Variants in ZNF805 observed in about 807,000 individuals in gnomAD.
ZNF805 encodes zinc finger protein 805.
ZNF805 carries 7 observed loss-of-function variants against 13.6 expected under a neutral mutation model. That is an observed-to-expected ratio of 0.51 (90% CI 0.29 to 0.97). ZNF805 has a LOEUF of 0.97. Among genes scored for constraint, ZNF805 ranks in the 50% least tolerant of loss-of-function variants. ZNF805 has a pLI of 0.08. For missense variants in ZNF805, 604 were observed against 771.0 expected (o/e 0.78, Z 2.57); for synonymous variants, 293 against 279.8 (o/e 1.05, Z -0.47).
intron 2 of ZNF805, among the ~76,000 whole-genome samples, chr19:57,246,595 G>T (rs2087620054): frequency 6.6e-6 from 1 of 151,998 alleles, no homozygotes; most frequent in African/African-American, 2.4e-5. Context: ...GGCCAACATG[G>T]TGAAACCCCG....
At chr19:57,245,056 T>C (rs1020438441) in intron 2 of ZNF805, among the ~76,000 whole-genome samples, 4 of 152,174 alleles carry the variant, frequency 2.6e-5, no homozygotes, top group African/African-American at 9.7e-5. Flanking sequence ...GGATGTTCAC[T>C]AAGAAGGGTT....
Position 57,261,273 on chromosome 19 carries a change from GC to G in ZNF805, c.*6571del, listed in dbSNP as rs2087722125. On this transcript the variant is annotated 3_prime_UTR_variant, in exon 4 of 4. Coordinates refer to ENST00000414468, the MANE Select transcript of ZNF805 (RefSeq NM_001023563.4). Reference sequence around the variant, plus strand: ...GACTCACTCTTTAATGCCTGCATAAGCTATTGTGACTGTAGAAAAGACGGAG... The same window carrying G: ...GACTCACTCTTTAATGCCTGCATAAGTATTGTGACTGTAGAAAAGACGGAG... 6.0e-6 allele frequency: 1 copy of G among 167,046 alleles called. No individual in the cohort carries two copies. Among genetic ancestry groups the G allele is most frequent in the African/African-American group, 2.4e-5 (1 of 41,428 alleles). 10.3% of individuals were successfully genotyped at this position (167,046 alleles called of 1,614,324 possible).
rs765058676 is a variant in ZNF805 at position 57,260,046 on chromosome 19, C to T, written c.*5343C>T. On this transcript the variant is annotated 3_prime_UTR_variant, in exon 4 of 4. Transcript: ENST00000414468. The stretch of plus-strand genomic sequence containing the variant: ...GTGATCTGCATATCATTCAGAGTTA[C>T]GTACTCCACGGGAAGGTTGTATGTA... Among the ~76,000 whole-genome samples, 2 of 152,142 alleles carry T rather than the reference C, an allele frequency of 1.3e-5. No individual in the cohort carries two copies. The highest frequency in any genetic ancestry group is 2.4e-5 in the African/African-American group (1 of 41,424).
intron 3 of ZNF805, among the ~76,000 whole-genome samples, chr19:57,249,264 G>A (rs1299096476): frequency 1.3e-5 from 2 of 152,188 alleles, no homozygotes; most frequent in South Asian, 4.2e-4. Context: ...ATGGGAACTG[G>A]GCATTTGGCT....
rs1211274570 is a variant in ZNF805 at position 57,254,050 on chromosome 19, C to T, written c.1231C>T (p.Arg411Ter). ...CLECGKAFNH[R>*]SYLKRHQRIH... Reference sequence around the variant, plus strand: ...CGAGTGTGGGAAGGCTTTCAACCACCGATCCTACCTCAAAAGGCACCAGCG... The same window carrying T: ...CGAGTGTGGGAAGGCTTTCAACCACTGATCCTACCTCAAAAGGCACCAGCG... The change falls in exon 4 of 4, where the codon CGA becomes TGA. Residue 411 changes from arginine to a stop codon, truncating the protein, a stop_gained. Transcript: ENST00000414468. LOFTEE classifies it low-confidence loss of function (END_TRUNC). 4 of 1,603,098 alleles carry T rather than the reference C, an allele frequency of 2.5e-6. No individual in the cohort carries two copies. The highest frequency in any genetic ancestry group is 3.4e-6 in the Non-Finnish European group (4 of 1,176,130).
At chr19:57,245,615 T>G (rs1356980187) in intron 2 of ZNF805, among the ~76,000 whole-genome samples, 5 of 149,114 alleles carry the variant, frequency 3.4e-5, no homozygotes, top group Non-Finnish European at 7.4e-5. Flanking sequence ...CTGTCTCTAC[T>G]AAAAATACAA....
In ZNF805 at chr19:57,261,761, G is replaced by A. The variant is rs1355110786; in HGVS notation, c.*7058G>A. ...GACCCCTTCCAGATTTGATTTGCTAGGAAGACTCACAGGACTCAGCATTTT... is the reference window on the plus strand; with the variant it reads ...GACCCCTTCCAGATTTGATTTGCTAAGAAGACTCACAGGACTCAGCATTTT... On this transcript the variant is annotated 3_prime_UTR_variant, in exon 4 of 4. Coordinates refer to ENST00000414468, the MANE Select transcript of ZNF805 (RefSeq NM_001023563.4). 1.2e-5 allele frequency: 2 copies of A among 166,936 alleles called. No individual in the cohort carries two copies. The highest frequency in any genetic ancestry group is 3.9e-4 in the East Asian group (2 of 5,192). 10.3% of individuals were successfully genotyped at this position (166,936 alleles called of 1,614,324 possible). A position where few individuals can be genotyped will look rare whatever the true frequency, so the allele number is the denominator to read the frequency against.
At chr19:57,242,540 A>C (rs1169902836) in intron 1 of ZNF805, among the ~76,000 whole-genome samples, 1 of 152,186 alleles carries the variant, frequency 6.6e-6, no homozygotes, top group Non-Finnish European at 1.5e-5. Flanking sequence ...CACAGCCTGC[A>C]TTATCTTCAG....
chr19:57,254,169 T>G lies in ZNF805; in HGVS notation c.1350T>G (p.Thr450=), dbSNP rs767479020. 1 of 1,613,712 alleles carries G rather than the reference T, an allele frequency of 6.2e-7. No homozygotes were observed. Among genetic ancestry groups the G allele is most frequent in the African/African-American group, 1.3e-5 (1 of 74,778 alleles). Residue 450 remains threonine, a synonymous_variant, in exon 4 of 4, where the codon ACT becomes ACG. Coordinates refer to ENST00000414468, the MANE Select transcript of ZNF805 (RefSeq NM_001023563.4). Reference sequence around the variant, plus strand: ...TCATCTTGCATAAAAGGGCCCACACTGGAGAAAAACCTTTCGAGTGCAAAG... The same window carrying G: ...TCATCTTGCATAAAAGGGCCCACACGGGAGAAAAACCTTTCGAGTGCAAAG... ...STFILHKRAH[T]GEKPFECKEC... is the part of the protein sequence containing the mutation.
rs1410533194 is a variant in ZNF805 at position 57,258,709 on chromosome 19, T to C, written c.*4006T>C. On this transcript the variant is annotated 3_prime_UTR_variant, in exon 4 of 4. Coordinates refer to ENST00000414468, the MANE Select transcript of ZNF805 (RefSeq NM_001023563.4). The stretch of plus-strand genomic sequence containing the variant: ...TGAGCACCATGTTGGAAAATGTAAT[T>C]TTTGCTTCCACTGTCAAATATATTT... Among the ~76,000 whole-genome samples, 1 of 152,186 alleles carries C rather than the reference T, an allele frequency of 6.6e-6. No individual in the cohort carries two copies. The highest frequency in any genetic ancestry group is 1.5e-5 in the Non-Finnish European group (1 of 68,028).
chr19:57,241,900 C>T (rs529907416), intron 1 of ZNF805, among the ~76,000 whole-genome samples: 2 of 152,308 alleles, frequency 1.3e-5, no homozygotes, highest in South Asian at 4.1e-4. Flanking sequence ...TCTCACCTGC[C>T]CTTGGTCTAG....
Position 57,258,309 on chromosome 19 carries a change from T to G in ZNF805, c.*3606T>G, listed in dbSNP as rs2087701771. 1.3e-5 allele frequency among the ~76,000 whole-genome samples: 2 copies of G among 152,140 alleles called. No individual in the cohort carries two copies. Among genetic ancestry groups the G allele is most frequent in the African/African-American group, 4.8e-5 (2 of 41,442 alleles). On this transcript the variant is annotated 3_prime_UTR_variant, in exon 4 of 4. Transcript: ENST00000414468. ...TGTGTCACTGTGTCTGGCCCCAGTTTGCATATTTCTGTCTTTTATTGGTGT... is the reference window on the plus strand; with the variant it reads ...TGTGTCACTGTGTCTGGCCCCAGTTGGCATATTTCTGTCTTTTATTGGTGT...
chr19:57,254,206 G>A lies in ZNF805; in HGVS notation c.1387G>A (p.Ala463Thr). The change falls in exon 4 of 4, where the codon GCC becomes ACC. Residue 463 changes from alanine (A) to threonine (T), a missense_variant. By Grantham distance (58) the Ala-to-Thr change is moderately conservative. Coordinates refer to ENST00000414468, the MANE Select transcript of ZNF805 (RefSeq NM_001023563.4). ...TTTCGAGTGCAAAGAGTGTGGGAAA[G>A]CCTTTAGCAATAGGGCAGACCTCAT... ...KPFECKECGK[A>T]FSNRADLIRH... The A allele has an allele frequency of 6.2e-7, 1 of 1,613,870 alleles. No individual in the cohort carries two copies.
In ZNF805 at chr19:57,243,317, T is replaced by C. The variant is rs1034828285; in HGVS notation, c.31-606T>C. Among the ~76,000 whole-genome samples the C allele has an allele frequency of 5.3e-5, 8 of 152,040 alleles. No homozygotes were observed. In the East Asian group the frequency reaches 7.7e-4, roughly 15 times the overall value. On this transcript the variant is annotated intron_variant, in intron 1 of 3. Transcript: ENST00000414468. The stretch of plus-strand genomic sequence containing the variant: ...CATGGAGGTGATTGGCGGTGGTGTT[T>C]AGTAATACTTCAGGGGCTGTGGGAG...
rs2087634111 is a variant in ZNF805 at position 57,248,684 on chromosome 19, C to T, written c.237C>T (p.Ser79=). 3 of 1,596,312 alleles carry T rather than the reference C, an allele frequency of 1.9e-6. No individual in the cohort carries two copies. The highest frequency in any genetic ancestry group is 2.6e-6 in the Non-Finnish European group (3 of 1,170,666). ...QEPWTRKEDL[S]QGTCPGDKGK... ...CATGGACCAGGAAGGAAGACCTCTC[C>T]CAAGGCACCTGTCCAGGTAGGAGCC... Residue 79 remains serine, a synonymous_variant, in exon 3 of 4, where the codon TCC becomes TCT. Transcript: ENST00000414468.
intron 2 of ZNF805, 125 bp from the exon 3 acceptor site, chr19:57,248,480 G>A: frequency 2.4e-6 from 2 of 844,652 alleles, no homozygotes; most frequent in East Asian, 5.4e-5. Flanking sequence ...CTAACTTTTT[G>A]TTCCCATGGA....
At chr19:57,251,190 G>A (rs150932788) in intron 3 of ZNF805, among the ~76,000 whole-genome samples, 12 of 152,200 alleles carry the variant, frequency 7.9e-5, no homozygotes, top group African/African-American at 2.6e-4. Context: ...GTTCTAGTTT[G>A]CAAGATCATT....
In ZNF805 at chr19:57,262,024, A is replaced by G. The variant is rs1027598146; in HGVS notation, c.*7321A>G. Reference sequence around the variant, plus strand: ...GTTTATATTGGACTTGCTTTCTAGCACATACCACAATTGTAGACCTCCAGA... The same window carrying G: ...GTTTATATTGGACTTGCTTTCTAGCGCATACCACAATTGTAGACCTCCAGA... On this transcript the variant is annotated 3_prime_UTR_variant, in exon 4 of 4. Coordinates refer to ENST00000414468, the MANE Select transcript of ZNF805 (RefSeq NM_001023563.4). The G allele has an allele frequency of 6.0e-5, 10 of 165,738 alleles. 1 individual carries two copies. The highest frequency in any genetic ancestry group is 5.9e-4 in the Admixed American group (9 of 15,284). The allele number at this position is 165,738 out of a possible 1,614,324, so 10.3% of individuals were successfully genotyped here.
rs2087717744 is a variant in ZNF805, at chr19:57,260,490, T to C, written c.*5787T>C. On this transcript the variant is annotated 3_prime_UTR_variant, in exon 4 of 4. Transcript: ENST00000414468. ...GAAAGGTCCCTTTTGACCCCCTCAC[T>C]CTCTTTTTGGACCTCCATACTGCTA... Among the ~76,000 whole-genome samples the C allele has an allele frequency of 6.6e-6, 1 of 152,096 alleles. No individual in the cohort carries two copies. Among genetic ancestry groups the C allele is most frequent in the African/African-American group, 2.4e-5 (1 of 41,422 alleles).
Sources: gnomAD v4.1 joint callset for allele counts (sites outside exome capture counted in the v4.1 genomes callset) on GRCh38, gnomAD v4.1.1 for gene constraint, MANE v1.5 for transcripts, NCBI Gene and HGNC (gene_info 2026-07-23, HGNC 2026-07-21) for gene names.